The following PRKCE variants were observed in gnomAD, a reference collection of about 807,000 sequenced individuals.
PRKCE encodes protein kinase C epsilon.
PRKCE carries 16 observed loss-of-function variants against 85.4 expected under a neutral mutation model. The ratio of observed to expected loss-of-function variants is 0.19; its 90% CI spans 0.13 to 0.28. The LOEUF (loss-of-function observed/expected upper bound fraction) is 0.28, where lower values mean the gene tolerates loss of function less well. Ranked by LOEUF, PRKCE falls within the 10% of genes least tolerant of loss-of-function variation. The pLI, the probability that PRKCE is intolerant of heterozygous loss-of-function variation, is 1.00. For synonymous variants in PRKCE, 388 were observed against 371.5 expected, an observed-to-expected ratio of 1.04 and a Z score of -0.51; for missense variants, 573 against 975.2, an observed-to-expected ratio of 0.59 and a Z score of 5.49.
At chr2:45,705,331 T>A (rs1334667364) in intron 1 of PRKCE, among the ~76,000 whole-genome samples, 1 of 152,204 alleles carries the variant, frequency 6.6e-6, no homozygotes, top group Non-Finnish European at 1.5e-5. Context: ...GAAATTTGGC[T>A]CAGACTTTCC....
chr2:45,747,760 A>T (rs1411747302), intron 1 of PRKCE, among the ~76,000 whole-genome samples: 1 of 152,140 alleles, frequency 6.6e-6, no homozygotes, highest in Non-Finnish European at 1.5e-5. Context: ...TCTATTTTTA[A>T]TTTTTTAAGA....
intron 2 of PRKCE, among the ~76,000 whole-genome samples, chr2:45,945,870 C>T (rs1700211400): frequency 1.3e-5 from 2 of 152,192 alleles, no homozygotes; most frequent in Non-Finnish European, 2.9e-5. Flanking sequence ...GGGGGAAGAC[C>T]ATTTGAAGGA....
intron 1 of PRKCE, among the ~76,000 whole-genome samples, chr2:45,744,899 G>T (rs1052551010): frequency 2.0e-5 from 3 of 152,180 alleles, no homozygotes; most frequent in African/African-American, 7.2e-5. Flanking sequence ...GTGAGCCACC[G>T]CACCCAGCCA....
chr2:45,749,899 A>G (rs1416612175), intron 1 of PRKCE, among the ~76,000 whole-genome samples: 2 of 152,208 alleles, frequency 1.3e-5, no homozygotes, highest in Admixed American at 6.5e-5. Flanking sequence ...CACACATAAC[A>G]TTCTTCCAGA....
intron 10 of PRKCE, among the ~76,000 whole-genome samples, chr2:46,075,619 T>C (rs1668490992): frequency 6.6e-6 from 1 of 152,016 alleles, no homozygotes; most frequent in Non-Finnish European, 1.5e-5. Context: ...CATGGTCGCA[T>C]CCACCTGTAG....
chr2:45,698,814 A>G (rs932960637), intron 1 of PRKCE, among the ~76,000 whole-genome samples: 24 of 152,166 alleles, frequency 1.6e-4, no homozygotes, highest in African/African-American at 5.8e-4. Flanking sequence ...TGGATTTCCT[A>G]GGGCTTGGTG....
intron 1 of PRKCE, among the ~76,000 whole-genome samples, chr2:45,693,452 A>G (rs1677897758): frequency 6.6e-6 from 1 of 152,180 alleles, no homozygotes. Context: ...GAAAGTGGAC[A>G]GAAGAGAAGC....
At chr2:45,692,821 T>C (rs1256780031) in intron 1 of PRKCE, among the ~76,000 whole-genome samples, 1 of 152,026 alleles carries the variant, frequency 6.6e-6, no homozygotes, top group Non-Finnish European at 1.5e-5. Context: ...TTCTAAATGC[T>C]CTGTGGGTGA....
At chr2:46,010,704 A>G (rs763997304) in intron 10 of PRKCE, 187 bp downstream of exon 10, 4 of 1,598,512 alleles carry the variant, frequency 2.5e-6, no homozygotes, top group Non-Finnish European at 1.7e-6. Flanking sequence ...TTTCCATTCA[A>G]GGTTGTGCTT....
chr2:45,918,341 C>G (rs1439147770), intron 2 of PRKCE, among the ~76,000 whole-genome samples: 1 of 152,246 alleles, frequency 6.6e-6, no homozygotes, highest in Admixed American at 6.5e-5. Context: ...TTAGCTTTCT[C>G]TTGTCTAGTC....
intron 1 of PRKCE, among the ~76,000 whole-genome samples, chr2:45,803,616 G>A (rs1465992867): frequency 6.6e-6 from 1 of 152,182 alleles, no homozygotes; most frequent in Non-Finnish European, 1.5e-5. Context: ...GTCCCCAGCT[G>A]TAGGTTGGCC....
intron 11 of PRKCE, among the ~76,000 whole-genome samples, chr2:46,126,817 G>C (rs1673913025): frequency 6.6e-6 from 1 of 152,228 alleles, no homozygotes; most frequent in East Asian, 1.9e-4. Context: ...TGATGAGTGA[G>C]GGCTACAAAG....
At chr2:46,046,790 A>C (rs1271092994) in intron 10 of PRKCE, among the ~76,000 whole-genome samples, 4 of 152,146 alleles carry the variant, frequency 2.6e-5, no homozygotes, top group Non-Finnish European at 5.9e-5. Flanking sequence ...ACCATCTTAT[A>C]AGCAAGAACT....
At chr2:45,825,620 G>C (rs1178323083) in intron 1 of PRKCE, among the ~76,000 whole-genome samples, 1 of 152,158 alleles carries the variant, frequency 6.6e-6, no homozygotes, top group Non-Finnish European at 1.5e-5. Flanking sequence ...CCAGTAGCTT[G>C]CTCCTATAAT....
chr2:46,082,548 C>G (rs554378160), intron 10 of PRKCE, among the ~76,000 whole-genome samples: 42 of 152,098 alleles, frequency 2.8e-4, no homozygotes, highest in African/African-American at 9.2e-4. Context: ...ATGAGTGGTC[C>G]GGAGCTTGTG....
intron 1 of PRKCE, among the ~76,000 whole-genome samples, chr2:45,724,253 G>A (rs1002293267): frequency 2.0e-5 from 3 of 152,108 alleles, no homozygotes; most frequent in African/African-American, 7.2e-5. Flanking sequence ...GTACAATTAC[G>A]TTTGTTTGAT....
At chr2:45,720,921 A>G (rs758834103) in intron 1 of PRKCE, among the ~76,000 whole-genome samples, 34 of 152,122 alleles carry the variant, frequency 2.2e-4, no homozygotes, top group Non-Finnish European at 4.7e-4. Context: ...AGCCTGGCCA[A>G]TATGGTGAAA....
intron 2 of PRKCE, among the ~76,000 whole-genome samples, chr2:45,971,920 G>A (rs941991948): frequency 6.6e-6 from 1 of 152,198 alleles, no homozygotes; most frequent in Non-Finnish European, 1.5e-5. Flanking sequence ...TGCAGTGAAT[G>A]TGGGAGTGCA....
At chr2:45,725,418 G>C (rs1220299747) in intron 1 of PRKCE, among the ~76,000 whole-genome samples, 6 of 152,186 alleles carry the variant, frequency 3.9e-5, no homozygotes, top group African/African-American at 7.2e-5. Flanking sequence ...GGATCAAGGA[G>C]TAATTTTGAC....
Sources: allele counts gnomAD v4.1 joint callset (sites outside exome capture counted in the v4.1 genomes callset), GRCh38; gene constraint gnomAD v4.1.1; transcripts MANE v1.5; gene names NCBI Gene and HGNC (gene_info 2026-07-23, HGNC 2026-07-21).